Variants in DCC observed in about 807,000 individuals in gnomAD.
DCC encodes the protein DCC netrin 1 receptor, also known as netrin receptor DCC.
A neutral mutation model predicts 172.5 loss-of-function variants in DCC; 58 were observed. The ratio of observed to expected loss-of-function variants is 0.34; its 90% CI spans 0.27 to 0.42. The LOEUF (loss-of-function observed/expected upper bound fraction) is 0.42. Among genes scored for constraint, DCC ranks in the 10% least tolerant of loss-of-function variants. The pLI is 1.00. For synonymous variants in DCC, 709 were observed against 644.5 expected (o/e 1.10, Z -1.52); for missense variants, 1,740 against 1,791.0 (o/e 0.97, Z 0.51).
At chr18:52,504,053 C>T (rs2031131250) in intron 1 of DCC, among the ~76,000 whole-genome samples, 1 of 152,264 alleles carries the variant, frequency 6.6e-6, no homozygotes, top group African/African-American at 2.4e-5. Flanking sequence ...GATCCCACCA[C>T]TCTTTTCAGT....
intron 7 of DCC, among the ~76,000 whole-genome samples, chr18:53,090,708 A>C (rs2042992429): frequency 2.1e-5 from 2 of 95,570 alleles, no homozygotes; most frequent in African/African-American, 9.2e-5. Flanking sequence ...CAAAAAAAAA[A>C]AAAAAAAAAA....
chr18:52,841,416 A>C (rs1364688233), intron 2 of DCC, among the ~76,000 whole-genome samples: 1 of 150,014 alleles, frequency 6.7e-6, no homozygotes, highest in Non-Finnish European at 1.5e-5. Context: ...GAAACTTTTT[A>C]AACTAAAATG....
chr18:53,372,112 A>G (rs8097339), intron 15 of DCC, among the ~76,000 whole-genome samples: 83,594 of 151,494 alleles, frequency 0.55, 23,805 homozygotes, highest in Non-Finnish European at 0.64. Flanking sequence ...CTATTACTGG[A>G]AATATACACA....
At chr18:52,440,579 C>A (rs1191061854) in intron 1 of DCC, among the ~76,000 whole-genome samples, 1 of 152,138 alleles carries the variant, frequency 6.6e-6, no homozygotes, top group Admixed American at 6.5e-5. Flanking sequence ...ACAGTAAATG[C>A]CTCACACAAT....
At chr18:53,281,107 G>T (rs1414421000) in intron 12 of DCC, among the ~76,000 whole-genome samples, 2 of 152,008 alleles carry the variant, frequency 1.3e-5, no homozygotes, top group Admixed American at 6.6e-5. Context: ...TTTAATAAAA[G>T]ATCTGTTTTT....
intron 21 of DCC, among the ~76,000 whole-genome samples, chr18:53,421,579 G>A (rs1436784095): frequency 6.6e-6 from 1 of 152,190 alleles, no homozygotes. Flanking sequence ...GGTAATGGCT[G>A]ATAATGGTCT....
At chr18:53,084,424 A>C (rs888246076) in intron 7 of DCC, among the ~76,000 whole-genome samples, 2 of 152,210 alleles carry the variant, frequency 1.3e-5, no homozygotes, top group African/African-American at 4.8e-5. Flanking sequence ...TGGAGGAAAT[A>C]AATATTAAAT....
At chr18:52,645,909 T>C (rs2035009151) in intron 1 of DCC, among the ~76,000 whole-genome samples, 1 of 152,254 alleles carries the variant, frequency 6.6e-6, no homozygotes. Context: ...ACAGGGGTGT[T>C]ATTCTCAAAG....
intron 7 of DCC, among the ~76,000 whole-genome samples, chr18:53,069,520 G>T (rs1163242609): frequency 2.0e-5 from 3 of 151,964 alleles, no homozygotes; most frequent in African/African-American, 7.2e-5. Context: ...GGGTGGCGCA[G>T]GTCAGCCAGA....
chr18:52,462,583 C>T (rs1216300588), intron 1 of DCC, among the ~76,000 whole-genome samples: 2 of 152,026 alleles, frequency 1.3e-5, no homozygotes, highest in African/African-American at 4.8e-5. Flanking sequence ...TGAGGCCGTC[C>T]CTGAGCTCCC....
rs1983565400 is a variant in DCC at position 52,340,308 on chromosome 18, T to TCCAGCTC, written c.-479_-473dup. ...TCTCGGAAGAAAAACCAACAGCATC[T>TCCAGCTC]CCAGCTCTCGCGCGGAATTGTCTCT... On this transcript the variant is annotated 5_prime_UTR_variant, in exon 1 of 29. Coordinates refer to ENST00000442544, the MANE Select transcript of DCC (RefSeq NM_005215.4). 1 of 203,796 alleles carries TCCAGCTC rather than the reference T, an allele frequency of 4.9e-6. No homozygotes were observed. Among genetic ancestry groups the TCCAGCTC allele is most frequent in the South Asian group, 8.9e-5 (1 of 11,202 alleles). The allele number at this position is 203,796 out of a possible 1,614,324, so 12.6% of individuals were successfully genotyped here.
At chr18:53,413,321 G>A (rs1406177841) in intron 20 of DCC, among the ~76,000 whole-genome samples, 2 of 152,068 alleles carry the variant, frequency 1.3e-5, no homozygotes, top group Admixed American at 1.3e-4. Context: ...TGAAAGCTTT[G>A]GACCAGTATA....
At chr18:52,674,848 G>A (rs1004922345) in intron 1 of DCC, among the ~76,000 whole-genome samples, 19 of 151,796 alleles carry the variant, frequency 1.3e-4, no homozygotes, top group Non-Finnish European at 5.9e-5. Flanking sequence ...ACTGGTTCAG[G>A]CCAGGAAAGT....
intron 25 of DCC, among the ~76,000 whole-genome samples, chr18:53,485,386 A>T (rs1283263474): frequency 6.6e-6 from 1 of 152,152 alleles, no homozygotes; most frequent in African/African-American, 2.4e-5. Context: ...TTTTTACTGA[A>T]AAATAAAGAC....
chr18:52,883,604 T>C (rs1304676383), intron 2 of DCC, among the ~76,000 whole-genome samples: 3 of 152,014 alleles, frequency 2.0e-5, no homozygotes, highest in Non-Finnish European at 2.9e-5. Context: ...AACTCTACAC[T>C]TTGTCTCCTT....
chr18:52,547,722 T>C (rs1311334573), intron 1 of DCC, among the ~76,000 whole-genome samples: 5 of 152,078 alleles, frequency 3.3e-5, no homozygotes, highest in African/African-American at 1.2e-4. Flanking sequence ...AGGGGGCATG[T>C]TAAGGTGAAG....
chr18:53,449,380 T>A (rs2045377306), intron 22 of DCC, among the ~76,000 whole-genome samples: 1 of 152,152 alleles, frequency 6.6e-6, no homozygotes, highest in African/African-American at 2.4e-5. Context: ...TCATCACAGA[T>A]GTCTTATTAT....
chr18:53,408,787 C>T (rs1568113471), intron 19 of DCC, among the ~76,000 whole-genome samples: 1 of 151,980 alleles, frequency 6.6e-6, no homozygotes, highest in Admixed American at 6.6e-5. Context: ...AAATACCAAA[C>T]CTAGGGGAAA....
intron 1 of DCC, among the ~76,000 whole-genome samples, chr18:52,352,053 A>C (rs1320154522): frequency 6.6e-6 from 1 of 152,146 alleles, no homozygotes; most frequent in Non-Finnish European, 1.5e-5. Context: ...AGATCCTTAA[A>C]CCACTGGACC....
Sources: allele counts gnomAD v4.1 joint callset (sites outside exome capture counted in the v4.1 genomes callset), GRCh38; gene constraint gnomAD v4.1.1; transcripts MANE v1.5; gene names NCBI Gene and HGNC (gene_info 2026-07-23, HGNC 2026-07-21).